The following HIVEP1 variants were observed in gnomAD, a reference collection of about 807,000 sequenced individuals.
The protein encoded by HIVEP1 is HIVEP zinc finger 1, also known as zinc finger protein 40.
In HIVEP1, 36 loss-of-function variants were observed where a neutral mutation model predicts 180.0. The observed-to-expected ratio is 0.20, with a 90% confidence interval of 0.15 to 0.26. The LOEUF (loss-of-function observed/expected upper bound fraction) is 0.26. HIVEP1 is among the 10% of genes least tolerant of loss of function. The pLI is 1.00. For synonymous variants in HIVEP1, 1,239 were observed against 1,239.0 expected, an observed-to-expected ratio of 1.00 and a Z score of 0.00; for missense variants, 3,143 against 3,268.7, an observed-to-expected ratio of 0.96 and a Z score of 0.94.
At chr6:12,130,440 A>G (rs891325864) in intron 5 of HIVEP1, among the ~76,000 whole-genome samples, 2 of 152,192 alleles carry the variant, frequency 1.3e-5, no homozygotes, top group Non-Finnish European at 2.9e-5. Flanking sequence ...CGGGAGGCTG[A>G]GGCGGGAGGA....
chr6:12,095,074 C>G (rs1561933854), intron 3 of HIVEP1, among the ~76,000 whole-genome samples: 1 of 152,060 alleles, frequency 6.6e-6, no homozygotes, highest in Non-Finnish European at 1.5e-5. Flanking sequence ...TTTTCTTACT[C>G]TCTTTCATTT....
At position 12,124,799 on chromosome 6, in the gene HIVEP1, A is replaced by G. The variant is rs1051214347; in HGVS notation, c.5004A>G (p.Pro1668=). Residue 1668 remains proline, a synonymous_variant, in exon 4 of 9, where the codon CCA becomes CCG. Coordinates refer to ENST00000379388, the MANE Select transcript of HIVEP1 (RefSeq NM_002114.4). The stretch of plus-strand genomic sequence containing the variant: ...TGACCCAAGATCTGCCCAATCAGCC[A>G]ATTTGCCAGACTAATCATAGTGTAG... ...ILVTQDLPNQ[P]ICQTNHSVVP... 6.2e-7 allele frequency: 1 copy of G among 1,614,058 alleles called. No homozygotes were observed.
intron 6 of HIVEP1, among the ~76,000 whole-genome samples, chr6:12,131,391 C>T (rs1758408413): frequency 6.6e-6 from 1 of 151,374 alleles, no homozygotes; most frequent in South Asian, 2.1e-4. Flanking sequence ...GTTTTATTGT[C>T]TGATTTTAGG....
At chr6:12,051,600 A>C (rs558508938) in intron 2 of HIVEP1, among the ~76,000 whole-genome samples, 1 of 151,916 alleles carries the variant, frequency 6.6e-6, no homozygotes. Flanking sequence ...ATTAAATATA[A>C]TATATAGATA....
intron 2 of HIVEP1, among the ~76,000 whole-genome samples, chr6:12,084,421 A>C (rs949925146): frequency 2.6e-5 from 4 of 152,152 alleles, no homozygotes; most frequent in Non-Finnish European, 5.9e-5. Flanking sequence ...AAATGGGTTG[A>C]TTGTAAAGGT....
the HIVEP1 span, among the ~76,000 whole-genome samples, chr6:12,211,490 C>T: frequency 0.014 from 208 of 15,024 alleles, 1 homozygote; most frequent in South Asian, 0.083. Flanking sequence ...TATATATACA[C>T]ACACACACAC....
intron 2 of HIVEP1, among the ~76,000 whole-genome samples, chr6:12,018,032 G>A (rs958142286): frequency 6.6e-6 from 1 of 152,342 alleles, no homozygotes; most frequent in African/African-American, 2.4e-5. Flanking sequence ...GGGTGCTTAG[G>A]CATGGCGGGC....
rs187187140 is a variant in HIVEP1, at chr6:12,121,673, C to T, written c.1878C>T (p.Gly626=). Residue 626 remains glycine (G), a synonymous_variant, in exon 4 of 9, where the codon GGC becomes GGT. Coordinates refer to ENST00000379388, the MANE Select transcript of HIVEP1 (RefSeq NM_002114.4). The surrounding 1 kb of genome is among the most constrained non-coding windows in gnomAD (Gnocchi z 5.3). ...LETNENSHQK[G]DMNPLEGKQD... ...CTAATGAGAATTCCCACCAGAAAGG[C>T]GACATGAATCCACTGGAAGGAAAGC... 1.1e-3 allele frequency: 1,787 copies of T among 1,614,036 alleles called. 4 individuals are homozygous for T. Among genetic ancestry groups the T allele is most frequent in the African/African-American group, 5.7e-3 (427 of 74,960 alleles).
chr6:12,012,253 C>A (rs1261793607), upstream of HIVEP1: 1 of 101,372 alleles, frequency 9.9e-6, no homozygotes, highest in African/African-American at 3.8e-5. Context: ...CCCCGCGCTC[C>A]CCCCCCCGCC....
intron 2 of HIVEP1, chr6:12,038,628 C>G (rs886535000): frequency 6.6e-6 from 1 of 152,370 alleles, no homozygotes; most frequent in African/African-American, 2.4e-5. Context: ...GCCAAGATTG[C>G]GCCACTGCAC....
Position 12,164,348 on chromosome 6 carries a change from T to C in HIVEP1, c.8044T>C (p.Ser2682Pro), listed in dbSNP as rs1760618947. 4.3e-6 allele frequency: 7 copies of C among 1,614,028 alleles called. No individual in the cohort carries two copies. Among genetic ancestry groups the C allele is most frequent in the Non-Finnish European group, 5.9e-6 (7 of 1,180,016 alleles). ...AAAGCCCTCAGGCCAGCAGACTCTCTCTCCAGACAGACAGGTTCCCAGGCC... is the reference window on the plus strand; with the variant it reads ...AAAGCCCTCAGGCCAGCAGACTCTCCCTCCAGACAGACAGGTTCCCAGGCC... ...FTKPSGQQTLSPDRQVPRPTA... is the reference protein window; with the variant it reads ...FTKPSGQQTLPPDRQVPRPTA... The change falls in exon 9 of 9, where the codon TCT (serine) becomes CCT (proline). Residue 2682 changes from serine (S) to proline (P), a missense_variant. Ser to Pro is a moderately conservative substitution (Grantham distance 74). This residue lies in a region of HIVEP1 where 595 missense variants were observed against 602.2 expected (regional missense o/e 0.99). Transcript: ENST00000379388.
intron 2 of HIVEP1, among the ~76,000 whole-genome samples, chr6:12,020,642 C>CT (rs1445727135): frequency 2.0e-5 from 3 of 151,562 alleles, no homozygotes; most frequent in Non-Finnish European, 1.5e-5. Flanking sequence ...TGTTTCAAAG[C>CT]TTTGAAAAAA....
intron 7 of HIVEP1, among the ~76,000 whole-genome samples, chr6:12,140,864 CTA>C (rs1758983050): frequency 6.6e-6 from 1 of 152,076 alleles, no homozygotes; most frequent in Non-Finnish European, 1.5e-5. Context: ...AAATATGGGA[CTA>C]TGTGAAAAAA....
chr6:12,033,055 T>G (rs979554837), intron 2 of HIVEP1, among the ~76,000 whole-genome samples: 2 of 152,238 alleles, frequency 1.3e-5, no homozygotes, highest in Admixed American at 1.3e-4. Context: ...GTTTGTCTTA[T>G]GATTTTTCGA....
intron 2 of HIVEP1, among the ~76,000 whole-genome samples, chr6:12,085,984 GA>G (rs1362806593): frequency 2.0e-5 from 3 of 152,068 alleles, no homozygotes; most frequent in African/African-American, 7.2e-5. Flanking sequence ...TGTTGAAAAT[GA>G]GATATTTTTG....
At chr6:12,085,848 T>G (rs1025333970) in intron 2 of HIVEP1, among the ~76,000 whole-genome samples, 1 of 152,172 alleles carries the variant, frequency 6.6e-6, no homozygotes, top group Non-Finnish European at 1.5e-5. Context: ...TTTAATTCAG[T>G]CTTCTTCCAG....
chr6:12,145,903 ATC>A (rs1170249944), intron 7 of HIVEP1, among the ~76,000 whole-genome samples: 1 of 152,172 alleles, frequency 6.6e-6, no homozygotes, highest in African/African-American at 2.4e-5. Context: ...CTAGAAAAAA[ATC>A]TCTAAAATCT....
the HIVEP1 span, among the ~76,000 whole-genome samples, chr6:12,198,968 A>C: frequency 6.6e-6 from 1 of 152,218 alleles, no homozygotes; most frequent in African/African-American, 2.4e-5. Context: ...GTGTTAACAC[A>C]GTGGAGAGGT....
downstream of HIVEP1, among the ~76,000 whole-genome samples, chr6:12,167,560 A>T (rs1193105548): frequency 5.7e-5 from 1 of 17,458 alleles, no homozygotes; most frequent in South Asian, 2.2e-3. Context: ...ATATGTATAT[A>T]TTACATGCAT....
Sources: gnomAD v4.1 joint callset for allele counts (sites outside exome capture counted in the v4.1 genomes callset) on GRCh38, gnomAD v4.1.1 for gene constraint, gnomAD v4.1.1 regional missense constraint, Gnocchi (gnomAD v3.1) non-coding constraint, MANE v1.5 for transcripts, NCBI Gene and HGNC (gene_info 2026-07-23, HGNC 2026-07-21) for gene names.